The following BRF1 variants were observed in gnomAD, a reference collection of about 807,000 sequenced individuals.
BRF1 encodes the protein BRF1 general transcription factor IIIB subunit.
BRF1 carries 59 observed loss-of-function variants against 81.7 expected under a neutral mutation model. The ratio of observed to expected loss-of-function variants is 0.72; its 90% CI spans 0.59 to 0.90. BRF1 has a LOEUF of 0.90. Ranked by LOEUF, BRF1 falls within the 40% of genes least tolerant of loss-of-function variation. The pLI is 0.00. For missense variants in BRF1, 1,050 were observed against 936.3 expected, an observed-to-expected ratio of 1.12 and a Z score of -1.58; for synonymous variants, 491 against 395.6, an observed-to-expected ratio of 1.24 and a Z score of -2.86.
intron 1 of BRF1, among the ~76,000 whole-genome samples, chr14:105,291,455 C>A (rs1385043084): frequency 6.6e-6 from 1 of 152,140 alleles, no homozygotes; most frequent in African/African-American, 2.4e-5. Context: ...GTGGGTGGGT[C>A]ACTTGAGGTC....
At chr14:105,214,358 C>T (rs926237835) in intron 15 of BRF1, among the ~76,000 whole-genome samples, 1 of 152,018 alleles carries the variant, frequency 6.6e-6, no homozygotes, top group Non-Finnish European at 1.5e-5. Flanking sequence ...GCCCGAGTGA[C>T]CACAGAGTGA....
At chr14:105,257,863 G>C (rs587629091) in intron 3 of BRF1, among the ~76,000 whole-genome samples, 3 of 152,304 alleles carry the variant, frequency 2.0e-5, no homozygotes, top group Admixed American at 2.0e-4. Flanking sequence ...GACAGCATTA[G>C]GTCAGTGGCC....
Position 105,211,189 on chromosome 14 carries a change from G to C in BRF1, c.1929C>G (p.Asp643Glu). 6.2e-7 allele frequency: 1 copy of C among 1,612,062 alleles called. No individual in the cohort carries two copies. Among genetic ancestry groups the C allele is most frequent in the African/African-American group, 1.3e-5 (1 of 74,970 alleles). Residue 643 changes from aspartate to glutamate, a missense_variant, in exon 17 of 18, where the codon GAC becomes GAG. Around this residue, in one of 2 missense-constraint regions of BRF1, gnomAD observed 1,043 missense variants for 915.4 expected, o/e 1.14. Transcript: ENST00000547530. The stretch of plus-strand genomic sequence containing the variant: ...CGTCCTCCTCGTCAGGCTCCTCCTC[G>C]TCAGCCTCCTCGTCGGCGTGGTATG... ...PVSYHADEEA[D>E]EEEPDEEDGE... is the part of the protein sequence containing the mutation.
At position 105,299,108 on chromosome 14, in the gene BRF1, G is replaced by A. The variant is rs183356581; in HGVS notation, c.184+1338C>T. ...GAATGGCGTGAGCCTGGGAGGCAGAGCTTGCAGTGAGCCGAGATCGAGCCA... is the reference window on the plus strand; with the variant it reads ...GAATGGCGTGAGCCTGGGAGGCAGAACTTGCAGTGAGCCGAGATCGAGCCA... On this transcript the variant is annotated intron_variant, in intron 1 of 17. Coordinates refer to ENST00000547530, the MANE Select transcript of BRF1 (RefSeq NM_001519.4). 8.0e-3 allele frequency among the ~76,000 whole-genome samples: 1,215 copies of A among 152,200 alleles called. 20 individuals carry two copies. The highest frequency in any genetic ancestry group is 0.028 in the African/African-American group (1,165 of 41,510).
At chr14:105,291,358 A>G (rs751407724) in intron 1 of BRF1, among the ~76,000 whole-genome samples, 2 of 152,218 alleles carry the variant, frequency 1.3e-5, no homozygotes, top group Non-Finnish European at 2.9e-5. Context: ...GAAAGCAATA[A>G]CCTTTAATAT....
intron 1 of BRF1, 148 bp downstream of exon 1, chr14:105,300,298 G>T: frequency 2.2e-6 from 2 of 894,924 alleles, no homozygotes; most frequent in Non-Finnish European, 3.1e-6. Context: ...TCGCCAAGGG[G>T]ATCCACACTC....
At chr14:105,303,631 C>T (rs964465226), upstream of BRF1, among the ~76,000 whole-genome samples, 2 of 152,136 alleles carry the variant, frequency 1.3e-5, no homozygotes, top group African/African-American at 4.8e-5. Context: ...TATAATTCTC[C>T]CTGTAATTAC....
At chr14:105,229,616 C>T (rs2054398202) in intron 6 of BRF1, among the ~76,000 whole-genome samples, 1 of 152,236 alleles carries the variant, frequency 6.6e-6, no homozygotes, top group Non-Finnish European at 1.5e-5. Flanking sequence ...CACAGAGGTC[C>T]AACTAGAACA....
chr14:105,221,552 C>A, intron 11 of BRF1, 96 bp downstream of exon 11: 1 of 1,492,052 alleles, frequency 6.7e-7, no homozygotes, highest in Non-Finnish European at 8.9e-7. Flanking sequence ...CACCTCCCGA[C>A]AGAGGATGGC....
At chr14:105,298,666 C>CG (rs2057841108) in intron 1 of BRF1, among the ~76,000 whole-genome samples, 2 of 150,982 alleles carry the variant, frequency 1.3e-5, no homozygotes, top group African/African-American at 4.9e-5. Flanking sequence ...ACCAGCCTGA[C>CG]GAACAGGGTG....
Position 105,269,908 on chromosome 14 carries a change from C to G in BRF1, c.439+2813G>C, listed in dbSNP as rs902520376. On this transcript the variant is annotated intron_variant, in intron 3 of 17. Transcript: ENST00000547530. This position sits in a 1 kb window ranked among gnomAD's most constrained non-coding sequence, Gnocchi z 5.0. ...AACACAAGGGAGGCAGGGCCATGGG[C>G]TGACCCTGGGCTCTGCTCAGCTTCT... Among the ~76,000 whole-genome samples, 17 of 152,222 alleles carry G rather than the reference C, an allele frequency of 1.1e-4. No homozygotes were observed. The highest frequency in any genetic ancestry group is 4.1e-4 in the African/African-American group (17 of 41,470).
In BRF1 at chr14:105,209,820, G is replaced by A. The variant is rs1020682678; in HGVS notation, c.*731C>T. 14 of 512,540 alleles carry A rather than the reference G, an allele frequency of 2.7e-5. No homozygotes were observed. Among genetic ancestry groups the A allele is most frequent in the Middle Eastern group, 4.9e-4 (1 of 2,030 alleles). 31.7% of individuals were successfully genotyped at this position (512,540 alleles called of 1,614,324 possible). On this transcript the variant is annotated 3_prime_UTR_variant, in exon 18 of 18. Coordinates refer to ENST00000547530, the MANE Select transcript of BRF1 (RefSeq NM_001519.4). The stretch of plus-strand genomic sequence containing the variant: ...CTGTCGGGCACTCAGTTCACCTGCC[G>A]GCAGCCGCAGGGCTCCTGGGCCCAC...
Position 105,215,231 on chromosome 14 carries a change from G to A in BRF1, c.1772+2313C>T, listed in dbSNP as rs755735170. Among the ~76,000 whole-genome samples the A allele has an allele frequency of 3.3e-5, 5 of 150,532 alleles. No individual in the cohort carries two copies. The East Asian group carries it at 6.0e-4, about 18-fold the overall frequency. Reference sequence around the variant, plus strand: ...CTTAAGACACACACACACGCCCCACGCACACAGAGAAACACAGTGTATACA... The same window carrying A: ...CTTAAGACACACACACACGCCCCACACACACAGAGAAACACAGTGTATACA... On this transcript the variant is annotated intron_variant, in intron 15 of 17. Transcript: ENST00000547530.
At chr14:105,275,685 C>T (rs1055159651) in intron 2 of BRF1, among the ~76,000 whole-genome samples, 1 of 152,268 alleles carries the variant, frequency 6.6e-6, no homozygotes, top group African/African-American at 2.4e-5. Flanking sequence ...CCCGACCCCA[C>T]AGGCACCAGC....
At chr14:105,314,850 G>T in intron 1 of BRF1, 1 of 690,150 alleles carries the variant, frequency 1.4e-6, no homozygotes, top group Non-Finnish European at 1.8e-6. Context: ...CGCGCGCCCG[G>T]CCCGCCCGCC....
Position 105,221,634 on chromosome 14 carries a change from C to G in BRF1, c.1315+14G>C. ...GATGACCTCAGCGTCCCCCAGGGCC[C>G]CATCAGAACTCACTGGGGTCGCTGC... On this transcript the variant is annotated intron_variant, in intron 11 of 17. Transcript: ENST00000547530. 1 of 1,603,408 alleles carries G rather than the reference C, an allele frequency of 6.2e-7. No homozygotes were observed. The highest frequency in any genetic ancestry group is 8.5e-7 in the Non-Finnish European group (1 of 1,177,748).
chr14:105,267,232 G>A (rs969190886), intron 3 of BRF1, among the ~76,000 whole-genome samples: 3 of 152,044 alleles, frequency 2.0e-5, no homozygotes, highest in Non-Finnish European at 2.9e-5. Flanking sequence ...AGACACCACC[G>A]ACAAGGGGCC....
chr14:105,211,659 A>T, intron 16 of BRF1: 1 of 351,520 alleles, frequency 2.8e-6, no homozygotes, highest in South Asian at 3.9e-5. Flanking sequence ...CAGAACACAG[A>T]CAGAGGCTCT....
At chr14:105,249,882 G>A in intron 5 of BRF1, 2 of 1,611,828 alleles carry the variant, frequency 1.2e-6, no homozygotes, top group South Asian at 1.1e-5. Context: ...CGGTCCGAAG[G>A]CTTCTGTGAG....
Sources: allele counts gnomAD v4.1 joint callset (sites outside exome capture counted in the v4.1 genomes callset), GRCh38; gene constraint gnomAD v4.1.1; regional missense constraint gnomAD v4.1.1; non-coding constraint Gnocchi (gnomAD v3.1); transcripts MANE v1.5; gene names NCBI Gene and HGNC (gene_info 2026-07-23, HGNC 2026-07-21).